Variants in FAM184B observed in about 807,000 individuals in gnomAD.
FAM184B encodes protein FAM184B.
In FAM184B, 111 loss-of-function variants were observed where a neutral mutation model predicts 135.9. The observed-to-expected ratio is 0.82, with a 90% CI of 0.70 to 0.96. The LOEUF (loss-of-function observed/expected upper bound fraction) is 0.96, where lower values mean the gene tolerates loss of function less well. Ranked by LOEUF, FAM184B falls within the 40% of genes least tolerant of loss-of-function variation. The probability of loss-of-function intolerance (pLI) is 0.00; values close to 1 mark genes in which losing one functional copy is unlikely to be tolerated. For synonymous variants in FAM184B, 552 were observed against 524.8 expected (o/e 1.05, Z -0.71); for missense variants, 1,375 against 1,323.9 (o/e 1.04, Z -0.60).
intron 5 of FAM184B, among the ~76,000 whole-genome samples, chr4:17,696,625 A>G (rs1716864949): frequency 6.6e-6 from 1 of 152,182 alleles, no homozygotes; most frequent in South Asian, 2.1e-4. Context: ...TAGCCTTGGC[A>G]ACACAGCGAG....
At chr4:17,778,350 T>C (rs1718972687) in intron 1 of FAM184B, among the ~76,000 whole-genome samples, 2 of 152,128 alleles carry the variant, frequency 1.3e-5, no homozygotes, top group Non-Finnish European at 2.9e-5. Context: ...TAAATCATCA[T>C]ACAACAGTGA....
chr4:17,769,634 T>C (rs973640809), intron 1 of FAM184B, among the ~76,000 whole-genome samples: 2 of 152,158 alleles, frequency 1.3e-5, no homozygotes, highest in Non-Finnish European at 2.9e-5. Flanking sequence ...ACACTTGAAA[T>C]GAGATGCTAG....
chr4:17,707,901 G>C, intron 2 of FAM184B, 117 bp from the exon 3 acceptor site: 1 of 1,190,242 alleles, frequency 8.4e-7, no homozygotes, highest in Non-Finnish European at 1.2e-6. Context: ...GAAGCCCTGA[G>C]TCAGTGGAAT....
chr4:17,755,244 G>T (rs989850321), intron 1 of FAM184B, among the ~76,000 whole-genome samples: 1 of 151,838 alleles, frequency 6.6e-6, no homozygotes, highest in Non-Finnish European at 1.5e-5. Flanking sequence ...CTATTTTCTA[G>T]GTCTTCATAA....
intron 3 of FAM184B, among the ~76,000 whole-genome samples, chr4:17,706,709 C>T (rs1381051340): frequency 6.6e-6 from 1 of 152,190 alleles, no homozygotes; most frequent in Non-Finnish European, 1.5e-5. Flanking sequence ...TGGCTAACGC[C>T]TATAATCCCA....
intron 1 of FAM184B, among the ~76,000 whole-genome samples, chr4:17,777,852 C>T (rs1395569234): frequency 6.6e-6 from 1 of 152,140 alleles, no homozygotes; most frequent in Admixed American, 6.5e-5. Flanking sequence ...AATCCCAGCA[C>T]TTTGGGAAGC....
At chr4:17,702,031 C>G (rs1045834918) in intron 5 of FAM184B, among the ~76,000 whole-genome samples, 1 of 152,134 alleles carries the variant, frequency 6.6e-6, no homozygotes, top group Non-Finnish European at 1.5e-5. Flanking sequence ...CCAGGCAATG[C>G]GCAGGGCCCA....
At chr4:17,747,348 GAGA>G (rs941464417) in intron 1 of FAM184B, among the ~76,000 whole-genome samples, 16 of 152,286 alleles carry the variant, frequency 1.1e-4, no homozygotes, top group African/African-American at 3.6e-4. Context: ...AGCGAGGGAA[GAGA>G]AGAACATGGG....
In FAM184B at chr4:17,738,521, A is replaced by T. The variant is rs115482875; in HGVS notation, c.142-28877T>A. On this transcript the variant is annotated intron_variant, in intron 1 of 17. Coordinates refer to ENST00000265018, the MANE Select transcript of FAM184B (RefSeq NM_015688.2). ...AAGGATGATAAAAACAGTAATATTC[A>T]TAAGTATAATGTCATTATCCTCCTT... 2.0e-3 allele frequency among the ~76,000 whole-genome samples: 308 copies of T among 152,272 alleles called. 1 individual carries two copies. Among genetic ancestry groups the T allele is most frequent in the Non-Finnish European group, 3.3e-3 (227 of 68,026 alleles).
intron 1 of FAM184B, among the ~76,000 whole-genome samples, chr4:17,725,112 A>G (rs1291871279): frequency 5.3e-5 from 8 of 152,150 alleles, no homozygotes; most frequent in Admixed American, 5.2e-4. Context: ...TTGTGTCCCA[A>G]TGGCAAACAT....
rs970913442 is a variant in FAM184B at position 17,781,264 on chromosome 4, G to C, written c.36C>G (p.Pro12=). ...ASALNSKINP[P]GTCQGSKADG... Reference sequence around the variant, plus strand: ...CGGCTTTGGAGCCCTGGCAAGTGCCGGGCGGGTTAATTTTGCTGTTGAGAG... The same window carrying C: ...CGGCTTTGGAGCCCTGGCAAGTGCCCGGCGGGTTAATTTTGCTGTTGAGAG... The change falls in exon 1 of 18, where the codon CCC becomes CCG. Residue 12 remains proline (P), a synonymous_variant. Coordinates refer to ENST00000265018, the MANE Select transcript of FAM184B (RefSeq NM_015688.2). The surrounding 1 kb of genome is among the most constrained non-coding windows in gnomAD (Gnocchi z 6.5). The C allele has an allele frequency of 2.6e-6, 4 of 1,550,150 alleles. No homozygotes were observed. Among genetic ancestry groups the C allele is most frequent in the Non-Finnish European group, 3.5e-6 (4 of 1,146,280 alleles).
intron 7 of FAM184B, among the ~76,000 whole-genome samples, chr4:17,673,808 G>A (rs1199706591): frequency 6.8e-6 from 1 of 146,550 alleles, no homozygotes; most frequent in Admixed American, 7.0e-5. Flanking sequence ...TACAAACTGA[G>A]TGCAGTGTAT....
chr4:17,736,870 T>A (rs1420741133), intron 1 of FAM184B, among the ~76,000 whole-genome samples: 1 of 152,146 alleles, frequency 6.6e-6, no homozygotes, highest in Non-Finnish European at 1.5e-5. Context: ...GGAGGCCTAG[T>A]GCAGTGGCTC....
intron 1 of FAM184B, among the ~76,000 whole-genome samples, chr4:17,738,574 T>C (rs1397043779): frequency 6.6e-6 from 1 of 152,022 alleles, no homozygotes; most frequent in Non-Finnish European, 1.5e-5. Flanking sequence ...GGAGGACCAA[T>C]AATTTGCCAC....
At chr4:17,729,384 A>G (rs1280355291) in intron 1 of FAM184B, among the ~76,000 whole-genome samples, 1 of 152,222 alleles carries the variant, frequency 6.6e-6, no homozygotes, top group Non-Finnish European at 1.5e-5. Context: ...CCTGTCTGAC[A>G]GCTTTGAAGA....
In FAM184B at chr4:17,705,170, T is replaced by C. The variant is rs1717078576; in HGVS notation, c.1207A>G (p.Lys403Glu). Residue 403 changes from lysine to glutamate, a missense_variant, in exon 5 of 18, where the codon AAG becomes GAG. By Grantham distance (56) the Lys-to-Glu change is moderately conservative. Coordinates refer to ENST00000265018, the MANE Select transcript of FAM184B (RefSeq NM_015688.2). Reference protein sequence around the residue: ...KEASAETEYMKQQYEEDLRKI... With the variant: ...KEASAETEYMEQQYEEDLRKI... ...CGAAGGTCTTCTTCATATTGTTGCT[T>C]CATATATTCTGTCTCAGCACTTGCC... 6.4e-7 allele frequency: 1 copy of C among 1,551,740 alleles called. No individual in the cohort carries two copies. The highest frequency in any genetic ancestry group is 1.4e-5 in the African/African-American group (1 of 73,058).
At chr4:17,663,778 C>T (rs115322825) in intron 8 of FAM184B, among the ~76,000 whole-genome samples, 3,493 of 152,178 alleles carry the variant, frequency 0.023, 142 homozygotes, top group African/African-American at 0.08. Context: ...ATAATCCCCA[C>T]GTGTTGAGGG....
chr4:17,633,581 G>T, intron 17 of FAM184B, 108 bp downstream of exon 17: 1 of 1,070,384 alleles, frequency 9.3e-7, no homozygotes, highest in Non-Finnish European at 1.3e-6. Flanking sequence ...AATCATCCAT[G>T]AAAAAAGGCC....
At chr4:17,670,415 G>T (rs972487886) in intron 7 of FAM184B, among the ~76,000 whole-genome samples, 1 of 152,086 alleles carries the variant, frequency 6.6e-6, no homozygotes, top group African/African-American at 2.4e-5. Flanking sequence ...CATGAATAAT[G>T]GACAAGGATC....
Sources: allele counts gnomAD v4.1 joint callset (sites outside exome capture counted in the v4.1 genomes callset), GRCh38; gene constraint gnomAD v4.1.1; non-coding constraint Gnocchi (gnomAD v3.1); transcripts MANE v1.5; gene names NCBI Gene and HGNC (gene_info 2026-07-23, HGNC 2026-07-21).